Variants in KY observed in about 807,000 individuals in gnomAD.
KY encodes kyphoscoliosis peptidase.
KY carries 43 observed loss-of-function variants against 76.1 expected under a neutral mutation model. The ratio of observed to expected loss-of-function variants is 0.57; its 90% CI spans 0.44 to 0.73. KY has a LOEUF of 0.73. Among genes scored for constraint, KY ranks in the 30% least tolerant of loss-of-function variants. KY has a pLI of 0.00. For synonymous variants in KY, 277 were observed against 326.2 expected (o/e 0.85, Z 1.63); for missense variants, 722 against 828.9 (o/e 0.87, Z 1.58).
At chr3:134,650,737 G>T (rs1966864704) in intron 1 of KY, 88 bp downstream of exon 1, 2 of 1,252,044 alleles carry the variant, frequency 1.6e-6, no homozygotes, top group Middle Eastern at 2.9e-4. Flanking sequence ...GTTCGGGGGA[G>T]CAATGGGCGC....
intron 8 of KY, among the ~76,000 whole-genome samples, chr3:134,611,032 C>G (rs1401105051): frequency 6.6e-6 from 1 of 152,210 alleles, no homozygotes; most frequent in Non-Finnish European, 1.5e-5. Flanking sequence ...CCAGTTTGCT[C>G]AGGTCTGACT....
chr3:134,610,409 A>C, intron 8 of KY, 26 bp from the exon 9 acceptor site: 1 of 1,594,402 alleles, frequency 6.3e-7, no homozygotes, highest in Non-Finnish European at 8.6e-7. Context: ...GGGGTCTGAG[A>C]GGGGGATCCC....
At chr3:134,629,206 C>T (rs1364884095) in intron 4 of KY, among the ~76,000 whole-genome samples, 1 of 152,242 alleles carries the variant, frequency 6.6e-6, no homozygotes, top group Non-Finnish European at 1.5e-5. Flanking sequence ...GTAGTTACTT[C>T]ACCTCTCTAA....
intron 6 of KY, among the ~76,000 whole-genome samples, chr3:134,623,931 G>A (rs1023879014): frequency 4.6e-5 from 7 of 152,062 alleles, no homozygotes; most frequent in South Asian, 2.1e-4. Flanking sequence ...TATGATGCCC[G>A]TCCTATGGCT....
chr3:134,633,755 G>A (rs1964546526), intron 3 of KY, among the ~76,000 whole-genome samples: 1 of 152,058 alleles, frequency 6.6e-6, no homozygotes, highest in Non-Finnish European at 1.5e-5. Context: ...CCCACCCTGT[G>A]TAATAAGACA....
intron 9 of KY, 109 bp from the exon 10 acceptor site, chr3:134,608,948 T>C (rs1959770528): frequency 7.9e-7 from 1 of 1,267,384 alleles, no homozygotes; most frequent in South Asian, 1.5e-5. Context: ...AGAGGCACCA[T>C]CTCCGACCCT....
At position 134,602,835 on chromosome 3, in the gene KY, A is replaced by G. The variant is rs1362030860; in HGVS notation, c.*744T>C. 6.6e-6 allele frequency among the ~76,000 whole-genome samples: 1 copy of G among 152,110 alleles called. No individual in the cohort carries two copies. The highest frequency in any genetic ancestry group is 2.4e-5 in the African/African-American group (1 of 41,416). ...CAGCTCTGCCGACAGTGTCCCTCCC[A>G]CCTGCACAGCCACAGCGGGCATGGG... is the stretch of plus-strand genomic sequence containing the variant. On this transcript the variant is annotated 3_prime_UTR_variant, in exon 11 of 11. Coordinates refer to ENST00000423778, the MANE Select transcript of KY (RefSeq NM_178554.6).
chr3:134,645,853 C>T (rs1966382235), intron 2 of KY, among the ~76,000 whole-genome samples: 1 of 152,166 alleles, frequency 6.6e-6, no homozygotes, highest in African/African-American at 2.4e-5. Flanking sequence ...CAATGTGTCA[C>T]TTTGTGTTTT....
In KY at chr3:134,603,885, G is replaced by T. The variant is rs773393840; in HGVS notation, c.1680C>A (p.Asn560Lys). 2 of 1,614,020 alleles carry T rather than the reference G, an allele frequency of 1.2e-6. No individual in the cohort carries two copies. The highest frequency in any genetic ancestry group is 3.3e-5 in the Admixed American group (2 of 60,030). Residue 560 changes from asparagine to lysine, a missense_variant, in exon 11 of 11, where the codon AAC becomes AAA. By Grantham distance (94) the Asn-to-Lys change is moderately conservative. This residue lies in a region of KY where 552 missense variants were observed against 680.9 expected (regional missense o/e 0.81). Coordinates refer to ENST00000423778, the MANE Select transcript of KY (RefSeq NM_178554.6). ...GGAACATGGGCCAGTTCACCTTGGT[G>T]TTGGCACAGCATACAAGGTAATTAA... ...FVFNYLVCCA[N>K]TKVNWPMFPE...
chr3:134,649,948 C>T (rs1966845326), intron 1 of KY, among the ~76,000 whole-genome samples: 1 of 152,192 alleles, frequency 6.6e-6, no homozygotes, highest in African/African-American at 2.4e-5. Flanking sequence ...TCAGGCCTAA[C>T]TCCTAAAGAA....
In KY at chr3:134,608,659, C is replaced by T. The variant is rs1323094038; in HGVS notation, c.1080G>A (p.Met360Ile). 6.2e-7 allele frequency: 1 copy of T among 1,614,026 alleles called. No homozygotes were observed. The highest frequency in any genetic ancestry group is 1.1e-5 in the South Asian group (1 of 91,078). The change falls in exon 10 of 11, where the codon ATG becomes ATA. Residue 360 changes from methionine to isoleucine, a missense_variant. Physicochemically the swap from Met to Ile is conservative, Grantham distance 10. Coordinates refer to ENST00000423778, the MANE Select transcript of KY (RefSeq NM_178554.6). The part of the protein sequence containing the change: ...GMLSAHPETS[M>I]IRTVNGKATV... ...CTGCTCCGGGCTCACCTGTTCTGATCATGGAAGTCTCTGGGTGGGCACTCA... is the reference window on the plus strand; with the variant it reads ...CTGCTCCGGGCTCACCTGTTCTGATTATGGAAGTCTCTGGGTGGGCACTCA...
At chr3:134,611,848 A>G (rs1186272739) in intron 8 of KY, among the ~76,000 whole-genome samples, 2 of 152,252 alleles carry the variant, frequency 1.3e-5, no homozygotes, top group Non-Finnish European at 2.9e-5. Flanking sequence ...TGAAATGGCC[A>G]TGCATCTACT....
At chr3:134,641,065 A>C (rs769713410) in intron 3 of KY, 1 of 152,448 alleles carries the variant, frequency 6.6e-6, no homozygotes, top group Non-Finnish European at 1.5e-5. Flanking sequence ...CTCCTTGAAC[A>C]TGCAGACACG....
intron 10 of KY, chr3:134,608,082 A>G: frequency 9.0e-7 from 1 of 1,108,134 alleles, no homozygotes; most frequent in Non-Finnish European, 1.1e-6. Flanking sequence ...GACTGCCCCC[A>G]CCTGTCCTGG....
rs187929311 is a variant in KY, at chr3:134,613,407, G to A, written c.711-3024C>T. Among the ~76,000 whole-genome samples the A allele has an allele frequency of 3.9e-5, 6 of 152,286 alleles. No individual in the cohort carries two copies. In the East Asian group the frequency reaches 1.2e-3, roughly 29 times the overall value. On this transcript the variant is annotated intron_variant, in intron 8 of 10. Coordinates refer to ENST00000423778, the MANE Select transcript of KY (RefSeq NM_178554.6). ...GCAGCGAGAGCCTGCCCCAGCCCTGGAAAGGAGAGCAGGAGGAAGAAGCAA... is the reference window on the plus strand; with the variant it reads ...GCAGCGAGAGCCTGCCCCAGCCCTGAAAAGGAGAGCAGGAGGAAGAAGCAA...
chr3:134,604,471 T>G lies in KY; in HGVS notation c.1094A>C (p.Asn365Thr), dbSNP rs1959108505. The change falls in exon 11 of 11, where the codon AAT (asparagine) becomes ACT (threonine). Residue 365 changes from asparagine (N) to threonine (T), a missense_variant. Around this residue, in one of 2 missense-constraint regions of KY, gnomAD observed 552 missense variants for 680.9 expected, o/e 0.81. Coordinates refer to ENST00000423778, the MANE Select transcript of KY (RefSeq NM_178554.6). ...CTCAATGGTGACCGTGGCCTTCCCA[T>G]TCACTGAGGAGAGAAAGTCAGGGTC... is the stretch of plus-strand genomic sequence containing the variant. ...HPETSMIRTV[N>T]GKATVTIESC... The G allele has an allele frequency of 6.2e-7, 1 of 1,601,380 alleles. No individual in the cohort carries two copies. The highest frequency in any genetic ancestry group is 1.3e-5 in the African/African-American group (1 of 74,704).
At position 134,650,996 on chromosome 3, in the gene KY, G is replaced by T. The variant is rs1409735291; in HGVS notation, c.-36C>A. On this transcript the variant is annotated 5_prime_UTR_variant, in exon 1 of 11. Transcript: ENST00000423778. ...CCTTTCCGACCTGGGCGCCGCGGCCGCACGCTAGGCTGCTTGCGCTGCAAA... is the reference window on the plus strand; with the variant it reads ...CCTTTCCGACCTGGGCGCCGCGGCCTCACGCTAGGCTGCTTGCGCTGCAAA... 21 of 1,611,548 alleles carry T rather than the reference G, an allele frequency of 1.3e-5. No individual in the cohort carries two copies. The Admixed American group carries it at 2.3e-4, about 18-fold the overall frequency.
intron 10 of KY, among the ~76,000 whole-genome samples, chr3:134,605,341 T>TC (rs1959173699): frequency 6.6e-6 from 1 of 151,910 alleles, no homozygotes; most frequent in Admixed American, 6.6e-5. Context: ...CCCAGCAACC[T>TC]CCCCAGCCCC....
chr3:134,647,137 A>G (rs961377633), intron 2 of KY, among the ~76,000 whole-genome samples: 2 of 152,232 alleles, frequency 1.3e-5, no homozygotes, highest in Non-Finnish European at 2.9e-5. Context: ...GCACACTCAA[A>G]CCTCACCATC....
Sources: allele counts gnomAD v4.1 joint callset (sites outside exome capture counted in the v4.1 genomes callset), GRCh38; gene constraint gnomAD v4.1.1; regional missense constraint gnomAD v4.1.1; transcripts MANE v1.5; gene names NCBI Gene and HGNC (gene_info 2026-07-23, HGNC 2026-07-21).